The following HTR1F variants were observed in gnomAD, a reference collection of about 807,000 sequenced individuals.
HTR1F encodes 5-hydroxytryptamine (serotonin) receptor 1F, G protein-coupled.
A neutral mutation model predicts 24.0 loss-of-function variants in HTR1F; 17 were observed. The observed-to-expected ratio is 0.71, with a 90% CI of 0.48 to 1.06. The LOEUF (loss-of-function observed/expected upper bound fraction) is 1.06. HTR1F is among the 50% of genes least tolerant of loss of function. The pLI is 0.00. For synonymous variants in HTR1F, 186 were observed against 156.8 expected (o/e 1.19, Z -1.39); for missense variants, 391 against 427.8 (o/e 0.91, Z 0.76).
intron 2 of HTR1F, among the ~76,000 whole-genome samples, chr3:87,976,006 G>A (rs562658226): frequency 2.4e-4 from 37 of 152,286 alleles, no homozygotes; most frequent in African/African-American, 7.7e-4. Context: ...ATGAGTGCCC[G>A]ATAAATGTCA....
At chr3:87,961,375 G>A (rs892992828) in intron 2 of HTR1F, among the ~76,000 whole-genome samples, 3 of 152,160 alleles carry the variant, frequency 2.0e-5, no homozygotes. Context: ...AAAAAGTGTG[G>A]GAGAGGTTTT....
chr3:87,808,549 T>A (rs984708672), intron 1 of HTR1F, among the ~76,000 whole-genome samples: 10 of 151,846 alleles, frequency 6.6e-5, no homozygotes, highest in African/African-American at 2.4e-4. Context: ...ATTTTGATTA[T>A]CTTTACAAAA....
intron 2 of HTR1F, among the ~76,000 whole-genome samples, chr3:87,824,334 C>T (rs1426704804): frequency 1.3e-5 from 2 of 152,124 alleles, no homozygotes; most frequent in East Asian, 3.9e-4. Flanking sequence ...CATCCTACTC[C>T]AATACATATC....
intron 2 of HTR1F, among the ~76,000 whole-genome samples, chr3:87,825,356 T>C (rs1704441506): frequency 6.6e-6 from 1 of 152,180 alleles, no homozygotes; most frequent in Non-Finnish European, 1.5e-5. Flanking sequence ...TTACCACAAA[T>C]ATATGAAATG....
At chr3:87,869,596 A>C (rs910979491) in intron 2 of HTR1F, among the ~76,000 whole-genome samples, 3 of 152,116 alleles carry the variant, frequency 2.0e-5, no homozygotes, top group Admixed American at 2.0e-4. Flanking sequence ...ATGTACTTCC[A>C]GTTCAGGTTC....
At chr3:87,916,290 A>G (rs1422441485) in intron 2 of HTR1F, among the ~76,000 whole-genome samples, 1 of 89,826 alleles carries the variant, frequency 1.1e-5, no homozygotes, top group African/African-American at 5.1e-5. Flanking sequence ...AAACAAAAAT[A>G]CAGTTAAAAA....
At chr3:87,951,871 G>A (rs1448209058) in intron 2 of HTR1F, among the ~76,000 whole-genome samples, 2 of 151,948 alleles carry the variant, frequency 1.3e-5, no homozygotes, top group Admixed American at 1.3e-4. Flanking sequence ...TCTTTGTACT[G>A]ACTCAATAGT....
At chr3:87,813,410 A>C (rs575333346) in intron 1 of HTR1F, among the ~76,000 whole-genome samples, 2 of 152,294 alleles carry the variant, frequency 1.3e-5, no homozygotes, top group Middle Eastern at 6.8e-3. Context: ...CTGTATCCCC[A>C]TTATATCTTG....
At chr3:87,839,546 T>G (rs1202498865) in intron 2 of HTR1F, among the ~76,000 whole-genome samples, 1 of 152,172 alleles carries the variant, frequency 6.6e-6, no homozygotes. Flanking sequence ...TGGGGTCTTT[T>G]GTGATTGTAA....
At chr3:87,830,092 T>C (rs1476771387) in intron 2 of HTR1F, among the ~76,000 whole-genome samples, 1 of 152,190 alleles carries the variant, frequency 6.6e-6, no homozygotes, top group Non-Finnish European at 1.5e-5. Context: ...TTGAAAATAA[T>C]TTGGTAGAAC....
intron 2 of HTR1F, among the ~76,000 whole-genome samples, chr3:87,972,247 C>T (rs1478972949): frequency 6.6e-6 from 1 of 152,124 alleles, no homozygotes; most frequent in African/African-American, 2.4e-5. Flanking sequence ...GATTTAGTCC[C>T]ATTACCATAT....
At chr3:87,883,554 G>A (rs866740779) in intron 2 of HTR1F, among the ~76,000 whole-genome samples, 10 of 151,998 alleles carry the variant, frequency 6.6e-5, no homozygotes, top group African/African-American at 1.9e-4. Flanking sequence ...TGAACCCATC[G>A]CAAAGAAACT....
intron 1 of HTR1F, among the ~76,000 whole-genome samples, chr3:87,805,775 T>C (rs963780351): frequency 4.3e-4 from 66 of 152,202 alleles, no homozygotes; most frequent in African/African-American, 1.4e-3. Context: ...CAAATCTGCA[T>C]ATCCTGCACG....
chr3:87,986,838 C>T lies in HTR1F; in HGVS notation c.-42-3870C>T, dbSNP rs570067168. Among the ~76,000 whole-genome samples, 253 of 152,326 alleles carry T rather than the reference C, an allele frequency of 1.7e-3. 3 individuals carry two copies. Among genetic ancestry groups the T allele is most frequent in the South Asian group, 0.016 (76 of 4,828 alleles). ...CACCATTGCAGGCCGGGCATGGTGGCTCACACCTGTAATCCCAGCACGTTG... is the reference window on the plus strand; with the variant it reads ...CACCATTGCAGGCCGGGCATGGTGGTTCACACCTGTAATCCCAGCACGTTG... On this transcript the variant is annotated intron_variant, in intron 2 of 2. Coordinates refer to ENST00000319595, the MANE Select transcript of HTR1F (RefSeq NM_001322209.2).
chr3:87,969,812 T>C (rs2107493973), intron 2 of HTR1F, among the ~76,000 whole-genome samples: 1 of 152,320 alleles, frequency 6.6e-6, no homozygotes, highest in African/African-American at 2.4e-5. Context: ...TGTCAAATTG[T>C]AGCTTCTATA....
intron 2 of HTR1F, among the ~76,000 whole-genome samples, chr3:87,901,535 G>T (rs1352809497): frequency 6.6e-6 from 1 of 152,072 alleles, no homozygotes; most frequent in East Asian, 1.9e-4. Context: ...AGTGGCCTGA[G>T]ATTTTCTAGA....
In HTR1F at chr3:87,993,740, GAA is replaced by G. The variant is rs1378795384; in HGVS notation, c.*1895_*1896del. The stretch of plus-strand genomic sequence containing the variant: ...TTTTTGTGGCTGACTTTGAACGTCA[GAA>G]AAAAGTCTACAGTCAATTTTATTGC... On this transcript the variant is annotated 3_prime_UTR_variant, in exon 3 of 3. Coordinates refer to ENST00000319595, the MANE Select transcript of HTR1F (RefSeq NM_001322209.2). 1.2e-5 allele frequency: 2 copies of G among 166,844 alleles called. No individual in the cohort carries two copies. The highest frequency in any genetic ancestry group is 4.8e-5 in the African/African-American group (2 of 41,388). 10.3% of individuals were successfully genotyped at this position (166,844 alleles called of 1,614,324 possible). A position where few individuals can be genotyped will look rare whatever the true frequency, so the allele number is the denominator to read the frequency against.
intron 1 of HTR1F, among the ~76,000 whole-genome samples, chr3:87,800,945 T>C (rs1703980741): frequency 1.3e-5 from 2 of 152,204 alleles, no homozygotes; most frequent in African/African-American, 4.8e-5. Flanking sequence ...TTTCTCTTAT[T>C]TAACAAAATA....
intron 2 of HTR1F, among the ~76,000 whole-genome samples, chr3:87,856,070 T>G (rs1210997560): frequency 6.6e-6 from 1 of 152,056 alleles, no homozygotes; most frequent in African/African-American, 2.4e-5. Context: ...CTAAGATGTA[T>G]AGTAAAAAGA....
Sources: gnomAD v4.1 joint callset for allele counts (sites outside exome capture counted in the v4.1 genomes callset) on GRCh38, gnomAD v4.1.1 for gene constraint, MANE v1.5 for transcripts, NCBI Gene and HGNC (gene_info 2026-07-23, HGNC 2026-07-21) for gene names.